DDO: variants seen among roughly 807,000 people sequenced by gnomAD.
DDO encodes D-aspartate oxidase, DDO.
DDO carries 16 observed loss-of-function variants against 16.8 expected under a neutral mutation model. That is an observed-to-expected ratio of 0.95 (90% confidence interval 0.65 to 1.45). The LOEUF is 1.45. DDO is among the 40% of genes most tolerant of loss of function. The probability of loss-of-function intolerance (pLI) is 0.00; values close to 1 mark genes in which losing one functional copy is unlikely to be tolerated. For synonymous variants in DDO, 180 were observed against 167.2 expected (o/e 1.08, Z -0.59); for missense variants, 429 against 420.3 (o/e 1.02, Z -0.18).
intron 2 of DDO, among the ~76,000 whole-genome samples, chr6:110,408,829 G>C (rs1773750626): frequency 6.6e-6 from 1 of 152,248 alleles, no homozygotes; most frequent in Non-Finnish European, 1.5e-5. Context: ...TGGCCACACA[G>C]TTGAGACAAT....
intron 4 of DDO, among the ~76,000 whole-genome samples, chr6:110,399,494 C>A (rs1424554763): frequency 2.6e-5 from 4 of 152,050 alleles, no homozygotes; most frequent in Non-Finnish European, 5.9e-5. Flanking sequence ...TGGGTGGCAG[C>A]CCAGAGGGAG....
Position 110,392,841 on chromosome 6 carries a change from C to T in DDO, c.960G>A (p.Glu320=), listed in dbSNP as rs761579643. The change falls in exon 5 of 5, where the codon GAG becomes GAA. Residue 320 remains glutamate (E), a synonymous_variant. Transcript: ENST00000368924. ...CACACTCGCTCACCAGCCTGGCGGC[C>T]TCCAGAGCAGTGCCCCAGTGCACTG... ...GISVHWGTAL[E]AARLVSECVH... is the part of the protein sequence containing the mutation. 6.2e-7 allele frequency: 1 copy of T among 1,613,230 alleles called. No individual in the cohort carries two copies. The highest frequency in any genetic ancestry group is 1.1e-5 in the South Asian group (1 of 90,980).
At chr6:110,396,032 A>C (rs1582471734) in intron 4 of DDO, among the ~76,000 whole-genome samples, 1 of 152,198 alleles carries the variant, frequency 6.6e-6, no homozygotes, top group East Asian at 1.9e-4. Flanking sequence ...CCAACTCAAA[A>C]AAGAAAGAAA....
At chr6:110,401,169 A>T (rs775373095) in intron 4 of DDO, among the ~76,000 whole-genome samples, 25 of 152,186 alleles carry the variant, frequency 1.6e-4, no homozygotes, top group Non-Finnish European at 1.3e-4. Flanking sequence ...GACTCTTAGG[A>T]ATCTAGAAAT....
chr6:110,413,312 G>A lies in DDO; in HGVS notation c.151C>T (p.Leu51Phe). ...TCACCTGGATAAGTGTGAGGAATAA[G>A]CATTCCGGCTGCCACATCACTGGTG... ...DTTSDVAAGM[L>F]IPHTYPDTPI... The change falls in exon 2 of 5, where the codon CTT becomes TTT. Residue 51 changes from leucine (L) to phenylalanine (F), a missense_variant. Transcript: ENST00000368924. 2 of 1,614,148 alleles carry A rather than the reference G, an allele frequency of 1.2e-6. No individual in the cohort carries two copies. The highest frequency in any genetic ancestry group is 1.7e-6 in the Non-Finnish European group (2 of 1,180,018).
chr6:110,400,146 C>A (rs1773431156), intron 4 of DDO, among the ~76,000 whole-genome samples: 1 of 152,244 alleles, frequency 6.6e-6, no homozygotes, highest in African/African-American at 2.4e-5. Context: ...GCCTTCCTGC[C>A]GCAGTCAGGG....
intron 2 of DDO, 127 bp from the exon 3 acceptor site, chr6:110,408,569 G>A (rs1193864766): frequency 4.1e-6 from 3 of 737,988 alleles, no homozygotes; most frequent in East Asian, 2.7e-5. Context: ...AAGGAGGCAG[G>A]GAGGAACATT....
intron 3 of DDO, 148 bp from the exon 4 acceptor site, chr6:110,405,098 A>T: frequency 2.6e-6 from 2 of 781,180 alleles, no homozygotes; most frequent in Non-Finnish European, 4.0e-6. Flanking sequence ...GTGCAGTGGC[A>T]CAATCATGGC....
At position 110,396,784 on chromosome 6, in the gene DDO, T is replaced by C. The variant is rs74989551; in HGVS notation, c.459-3442A>G. 9.1e-3 allele frequency among the ~76,000 whole-genome samples: 1,387 copies of C among 152,322 alleles called. 18 individuals are homozygous for C. The highest frequency in any genetic ancestry group is 0.029 in the African/African-American group (1,222 of 41,580). On this transcript the variant is annotated intron_variant, in intron 4 of 4. Transcript: ENST00000368924. ...TATAGCAAATTTTATGGGGACAGAT[T>C]GTTTTTGGCTCTCTCAGTAAGAATA... is the stretch of plus-strand genomic sequence containing the variant.
chr6:110,406,861 A>G (rs1224471515), intron 3 of DDO, among the ~76,000 whole-genome samples: 1 of 152,158 alleles, frequency 6.6e-6, no homozygotes, highest in Non-Finnish European at 1.5e-5. Context: ...TTCTCCAGAC[A>G]TATGCTTCCA....
At chr6:110,405,038 T>G (rs1440608614) in intron 3 of DDO, 88 bp from the exon 4 acceptor site, 57 of 1,233,122 alleles carry the variant, frequency 4.6e-5, no homozygotes, top group Middle Eastern at 1.9e-4. Flanking sequence ...CTAGAGCATT[T>G]ATTTTATTTT....
chr6:110,414,132 A>C (rs1485214959), intron 1 of DDO, among the ~76,000 whole-genome samples: 1 of 152,176 alleles, frequency 6.6e-6, no homozygotes, highest in Admixed American at 6.5e-5. Flanking sequence ...TTGACAGAAA[A>C]CCACAGAGCT....
downstream of DDO, among the ~76,000 whole-genome samples, chr6:110,389,880 G>T (rs1381863165): frequency 5.9e-5 from 9 of 152,212 alleles, no homozygotes; most frequent in African/African-American, 2.2e-4. Context: ...TTCCTGTGTT[G>T]TTTATTGTAG....
downstream of DDO, among the ~76,000 whole-genome samples, chr6:110,389,062 A>G (rs1773059548): frequency 6.6e-6 from 1 of 152,226 alleles, no homozygotes; most frequent in African/African-American, 2.4e-5. Context: ...AGAGATAAGC[A>G]TTTGAATCAG....
At chr6:110,396,930 T>C (rs1439825632) in intron 4 of DDO, among the ~76,000 whole-genome samples, 1 of 152,134 alleles carries the variant, frequency 6.6e-6, no homozygotes, top group Non-Finnish European at 1.5e-5. Flanking sequence ...AAAAGTAAAT[T>C]GGAGTTTTGT....
At chr6:110,406,289 G>T (rs535203150) in intron 3 of DDO, among the ~76,000 whole-genome samples, 132 of 151,940 alleles carry the variant, frequency 8.7e-4, no homozygotes, top group Non-Finnish European at 1.7e-3. Context: ...ACACATGCAC[G>T]CATGCATGCA....
intron 4 of DDO, among the ~76,000 whole-genome samples, chr6:110,401,626 A>G (rs184807491): frequency 5.5e-4 from 84 of 152,360 alleles, no homozygotes; most frequent in African/African-American, 1.8e-3. Flanking sequence ...TCATCCTGAT[A>G]TAAATACATA....
chr6:110,395,693 A>G (rs1032326278), intron 4 of DDO, among the ~76,000 whole-genome samples: 2 of 152,210 alleles, frequency 1.3e-5, no homozygotes, highest in African/African-American at 4.8e-5. Context: ...ATAATAAAAA[A>G]GACAGAAACT....
At chr6:110,404,324 A>T (rs886392651) in intron 4 of DDO, among the ~76,000 whole-genome samples, 10 of 152,198 alleles carry the variant, frequency 6.6e-5, no homozygotes, top group African/African-American at 2.2e-4. Context: ...AAATAATGAA[A>T]TTTTTTTGCT....
Sources: gnomAD v4.1 joint callset for allele counts (sites outside exome capture counted in the v4.1 genomes callset) on GRCh38, gnomAD v4.1.1 for gene constraint, MANE v1.5 for transcripts, NCBI Gene and HGNC (gene_info 2026-07-23, HGNC 2026-07-21) for gene names.